Variants in ZNF263 observed in about 807,000 individuals in gnomAD.
The protein encoded by ZNF263 is zinc finger protein 263.
Under a neutral mutation model 63.1 loss-of-function variants are expected in ZNF263, and 49 were observed. The ratio of observed to expected loss-of-function variants is 0.78; its 90% confidence interval spans 0.62 to 0.99. The LOEUF (loss-of-function observed/expected upper bound fraction) is 0.99, where lower values mean the gene tolerates loss of function less well. Ranked by LOEUF, ZNF263 falls within the 50% of genes least tolerant of loss-of-function variation. The probability of loss-of-function intolerance (pLI) is 0.00; values close to 1 mark genes in which losing one functional copy is unlikely to be tolerated. For synonymous variants in ZNF263, 352 were observed against 324.2 expected, an observed-to-expected ratio of 1.09 and a Z score of -0.92; for missense variants, 872 against 854.8, an observed-to-expected ratio of 1.02 and a Z score of -0.25.
intron 2 of ZNF263, chr16:3,300,569 T>A (rs1472921490): frequency 1.0e-5 from 16 of 1,605,012 alleles, no homozygotes; most frequent in Non-Finnish European, 1.3e-5. Context: ...AGAACCTTCA[T>A]TTTCTCCTCC....
chr16:3,287,660 A>T (rs1959428620), intron 4 of ZNF263, among the ~76,000 whole-genome samples: 1 of 151,764 alleles, frequency 6.6e-6, no homozygotes, highest in South Asian at 2.1e-4. Context: ...CTGGAGGTGG[A>T]GGTTTTTGTT....
At chr16:3,285,421 AG>A (rs1959309798) in intron 2 of ZNF263, among the ~76,000 whole-genome samples, 182 bp downstream of exon 2, 1 of 152,158 alleles carries the variant, frequency 6.6e-6, no homozygotes, top group Non-Finnish European at 1.5e-5. Flanking sequence ...AAGGGAAGGG[AG>A]TCTCAGTAGA....
At chr16:3,288,647 T>G (rs889196850) in intron 5 of ZNF263, 77 bp downstream of exon 5, 20 of 1,041,450 alleles carry the variant, frequency 1.9e-5, no homozygotes, top group East Asian at 5.2e-5. Context: ...TTTTTGGTTT[T>G]GTTTTGTTTT....
Position 3,290,515 on chromosome 16 carries a change from G to C in ZNF263, c.2009G>C (p.Arg670Pro). 1 of 1,613,698 alleles carries C rather than the reference G, an allele frequency of 6.2e-7. No homozygotes were observed. The highest frequency in any genetic ancestry group is 8.5e-7 in the Non-Finnish European group (1 of 1,179,834). ...KCSECGESFS[R>P]SSRLMSHQRT... is the part of the protein sequence containing the mutation. The stretch of plus-strand genomic sequence containing the variant: ...TCTGAATGTGGAGAAAGCTTCTCTC[G>C]GAGTTCCCGTCTTATGAGTCATCAG... The change falls in exon 6 of 6, where the codon CGG becomes CCG. Residue 670 changes from arginine (R) to proline (P), a missense_variant. Transcript: ENST00000219069.
At chr16:3,288,080 C>T (rs950299338) in intron 4 of ZNF263, among the ~76,000 whole-genome samples, 6 of 151,856 alleles carry the variant, frequency 4.0e-5, no homozygotes, top group Non-Finnish European at 7.4e-5. Flanking sequence ...GGTGAAACTC[C>T]ATCTCTACTA....
In ZNF263 at chr16:3,289,420, G is replaced by C. The variant is rs1596372371; in HGVS notation, c.914G>C (p.Gly305Ala). 2 of 1,515,490 alleles carry C rather than the reference G, an allele frequency of 1.3e-6. No individual in the cohort carries two copies. Among genetic ancestry groups the C allele is most frequent in the South Asian group, 1.3e-5 (1 of 74,124 alleles). The allele number at this position is 1,515,490 out of a possible 1,614,324, so 93.9% of individuals were successfully genotyped here. A position where few individuals can be genotyped will look rare whatever the true frequency, so the allele number is the denominator to read the frequency against. The change falls in exon 6 of 6, where the codon GGT becomes GCT. Residue 305 changes from glycine (G) to alanine (A), a missense_variant. Gly to Ala is a moderately conservative substitution (Grantham distance 60, BLOSUM62 0). Transcript: ENST00000219069. ...GAAGAGAAATTTGAGAACCTGGAAGGTGTTCCGTCTGTATGCTCTGAGAAC... is the reference window on the plus strand; with the variant it reads ...GAAGAGAAATTTGAGAACCTGGAAGCTGTTCCGTCTGTATGCTCTGAGAAC... The part of the protein sequence containing the change: ...PGEEKFENLE[G>A]VPSVCSENIH...
chr16:3,285,296 G>T, intron 2 of ZNF263, 57 bp downstream of exon 2: 2 of 1,520,496 alleles, frequency 1.3e-6, no homozygotes, highest in African/African-American at 1.4e-5. Flanking sequence ...GGTTGCCCCC[G>T]ACACTAGCTG....
At chr16:3,299,256 G>A in intron 2 of ZNF263, 1 of 1,610,268 alleles carries the variant, frequency 6.2e-7, no homozygotes, top group Non-Finnish European at 8.5e-7. Context: ...TTCCACCTTT[G>A]GTTTTTAGGA....
Position 3,288,497 on chromosome 16 carries a change from A to T in ZNF263, c.813A>T (p.Gly271=). The T allele has an allele frequency of 1.9e-6, 3 of 1,612,910 alleles. No individual in the cohort carries two copies. Among genetic ancestry groups the T allele is most frequent in the Non-Finnish European group, 2.5e-6 (3 of 1,179,324 alleles). The part of the protein sequence containing the change: ...PSQEVPGTQV[G]QGGKLWDPSV... ...AGGAGGTCCCAGGCACCCAGGTGGGACAAGGAGGAAAGCTATGGGATCCCA... is the reference window on the plus strand; with the variant it reads ...AGGAGGTCCCAGGCACCCAGGTGGGTCAAGGAGGAAAGCTATGGGATCCCA... Residue 271 remains glycine (G), a synonymous_variant, in exon 5 of 6, where the codon GGA becomes GGT. Transcript: ENST00000219069.
intron 3 of ZNF263, 92 bp downstream of exon 3, chr16:3,285,846 C>G: frequency 6.5e-7 from 1 of 1,536,982 alleles, no homozygotes. Context: ...TCCTTTGTCC[C>G]TTACCACAGC....
rs1183277836 is a variant in ZNF263 at position 3,290,634 on chromosome 16, T to C, written c.*76T>C. 2 of 1,507,136 alleles carry C rather than the reference T, an allele frequency of 1.3e-6. No homozygotes were observed. The highest frequency in any genetic ancestry group is 2.8e-5 in the African/African-American group (2 of 71,754). 93.4% of individuals were successfully genotyped at this position (1,507,136 alleles called of 1,614,324 possible). A position where few individuals can be genotyped will look rare whatever the true frequency, so the allele number is the denominator to read the frequency against. ...CCTGTTGGCAAGAGCTGGTATTCCC[T>C]GCCCAGCCGACCAAATGACCTCTGC... On this transcript the variant is annotated 3_prime_UTR_variant, in exon 6 of 6. Transcript: ENST00000219069.
downstream of ZNF263, among the ~76,000 whole-genome samples, chr16:3,295,025 G>A (rs1959707418): frequency 6.6e-6 from 1 of 152,150 alleles, no homozygotes. Context: ...GGGCCTCCCG[G>A]CAGGAGTCCA....
rs189127037 is a variant in ZNF263, at chr16:3,284,323, A to G, written c.387+118A>G. ...GAGTAGACCTTACGTGGGGAAGAGG[A>G]CTTGTGATTTAACCTGGAACACTCA... On this transcript the variant is annotated intron_variant, in intron 1 of 5. Transcript: ENST00000219069. 21 of 1,372,280 alleles carry G rather than the reference A, an allele frequency of 1.5e-5. No homozygotes were observed. The African/African-American group carries it at 2.8e-4, about 18-fold the overall frequency. 85.0% of individuals were successfully genotyped at this position (1,372,280 alleles called of 1,614,324 possible).
intron 4 of ZNF263, among the ~76,000 whole-genome samples, chr16:3,287,954 A>T (rs1028942414): frequency 9.6e-5 from 13 of 135,474 alleles, no homozygotes; most frequent in African/African-American, 2.8e-4. Flanking sequence ...ATGAATATTT[A>T]AAAAAAAAAA....
Position 3,283,945 on chromosome 16 carries a change from C to G in ZNF263, c.127C>G (p.Arg43Gly). ...PGPSPEASHLRFRRFRFQEAA... is the reference protein window; with the variant it reads ...PGPSPEASHLGFRRFRFQEAA... The stretch of plus-strand genomic sequence containing the variant: ...ACCGAGCCCCGAGGCCTCCCACTTG[C>G]GCTTCAGACGGTTCCGCTTCCAAGA... The change falls in exon 1 of 6, where the codon CGC (arginine) becomes GGC (glycine). Residue 43 changes from arginine (R) to glycine (G), a missense_variant. Physicochemically the swap from Arg to Gly is moderately radical, Grantham distance 125 (BLOSUM62 -2). Coordinates refer to ENST00000219069, the MANE Select transcript of ZNF263 (RefSeq NM_005741.5). 1 of 1,613,872 alleles carries G rather than the reference C, an allele frequency of 6.2e-7. No individual in the cohort carries two copies. Among genetic ancestry groups the G allele is most frequent in the South Asian group, 1.1e-5 (1 of 91,078 alleles).
rs758427603 is a variant in ZNF263 at position 3,288,471 on chromosome 16, C to G, written c.787C>G (p.Gln263Glu). 9 of 1,611,902 alleles carry G rather than the reference C, an allele frequency of 5.6e-6. No individual in the cohort carries two copies. Among genetic ancestry groups the G allele is most frequent in the Non-Finnish European group, 7.6e-6 (9 of 1,178,756 alleles). The change falls in exon 5 of 6, where the codon CAG becomes GAG. Residue 263 changes from glutamine (Q) to glutamate (E), a missense_variant. Coordinates refer to ENST00000219069, the MANE Select transcript of ZNF263 (RefSeq NM_005741.5). ...VDSLESHIPS[Q>E]EVPGTQVGQG... ...GTGAACAGAGTCTCACATTCCCAGT[C>G]AGGAGGTCCCAGGCACCCAGGTGGG...
At chr16:3,300,902 T>C in intron 2 of ZNF263, 1 of 302,114 alleles carries the variant, frequency 3.3e-6, no homozygotes. Flanking sequence ...ACCTCTCCTC[T>C]CTTTTGACAG....
At chr16:3,294,619 A>T (rs1959697919), downstream of ZNF263, among the ~76,000 whole-genome samples, 1 of 152,116 alleles carries the variant, frequency 6.6e-6, no homozygotes, top group Admixed American at 6.6e-5. Context: ...GACCAGCTAG[A>T]CCTTGCCTGA....
intron 1 of ZNF263, chr16:3,298,773 T>G (rs1289926988): frequency 8.1e-6 from 3 of 369,648 alleles, no homozygotes; most frequent in African/African-American, 6.2e-5. Flanking sequence ...TTGTGTAAAA[T>G]TTAAAAAAAT....
Sources: gnomAD v4.1 joint callset for allele counts (sites outside exome capture counted in the v4.1 genomes callset) on GRCh38, gnomAD v4.1.1 for gene constraint, MANE v1.5 for transcripts, NCBI Gene and HGNC (gene_info 2026-07-23, HGNC 2026-07-21) for gene names.